VLDLR: variants seen among roughly 807,000 people sequenced by gnomAD.
VLDLR encodes the protein very low-density lipoprotein receptor.
A neutral mutation model predicts 112.7 loss-of-function variants in VLDLR; 81 were observed. The ratio of observed to expected loss-of-function variants is 0.72; its 90% CI spans 0.60 to 0.86. The LOEUF is 0.86. Ranked by LOEUF, VLDLR falls within the 40% of genes least tolerant of loss-of-function variation. VLDLR has a pLI of 0.00. For missense variants in VLDLR, 1,237 were observed against 1,099.4 expected, an observed-to-expected ratio of 1.13 and a Z score of -1.77; for synonymous variants, 436 against 384.8, an observed-to-expected ratio of 1.13 and a Z score of -1.56.
intron 1 of VLDLR, among the ~76,000 whole-genome samples, chr9:2,631,213 G>C (rs1034705851): frequency 6.6e-6 from 1 of 152,194 alleles, no homozygotes; most frequent in African/African-American, 2.4e-5. Flanking sequence ...TACACTGCTG[G>C]TGAGAATGTA....
intron 7 of VLDLR, 57 bp from the exon 8 acceptor site, chr9:2,644,677 T>C: frequency 6.2e-7 from 1 of 1,612,288 alleles, no homozygotes; most frequent in Non-Finnish European, 8.5e-7. Flanking sequence ...GGGTTTTAAA[T>C]GTGAAAGATA....
At chr9:2,649,153 GC>G (rs1818199147) in intron 14 of VLDLR, among the ~76,000 whole-genome samples, 10 of 152,148 alleles carry the variant, frequency 6.6e-5, no homozygotes, top group African/African-American at 2.2e-4. Flanking sequence ...CTGTTAGTTT[GC>G]TAGGATTTTT....
rs1320585824 is a variant in VLDLR, at chr9:2,645,093, TTGGAC to T, written c.1312+15_1312+19del. ...TGTGCAAGGCAGTAGGTAAATGAAC[TTGGAC>T]TGGTATGGCTGTTGTACCTTTATGA... is the stretch of plus-strand genomic sequence containing the variant. On this transcript the variant is annotated intron_variant, in intron 9 of 18. Transcript: ENST00000382100. 1.2e-6 allele frequency: 2 copies of T among 1,614,110 alleles called. No homozygotes were observed. Among genetic ancestry groups the T allele is most frequent in the East Asian group, 4.5e-5 (2 of 44,886 alleles).
chr9:2,657,742 A>C lies in VLDLR; in HGVS notation c.*3874A>C, dbSNP rs947695030. The C allele has an allele frequency of 2.0e-5, 3 of 152,346 alleles. No individual in the cohort carries two copies. Among genetic ancestry groups the C allele is most frequent in the Middle Eastern group, 3.4e-3 (1 of 296 alleles). The allele number at this position is 152,346 out of a possible 1,614,324, so 9.4% of individuals were successfully genotyped here. A position where few individuals can be genotyped will look rare whatever the true frequency, so the allele number is the denominator to read the frequency against. ...GTGCATTGTCTGCTGTCGTCTGTTA[A>C]GCATCTAACCGGAGTGGGAGGGCAC... On this transcript the variant is annotated 3_prime_UTR_variant, in exon 19 of 19. Transcript: ENST00000382100.
rs766524204 is a variant in VLDLR at position 2,643,417 on chromosome 9, C to T, written c.706C>T (p.His236Tyr). ...LEQCGRQPVIHTKCPASEIQC... is the reference protein window; with the variant it reads ...LEQCGRQPVIYTKCPASEIQC... ...GCAGTGTGGCCGTCAGCCAGTCATA[C>T]ACACCAAGTGTCCAGCCAGCGAAAT... The change falls in exon 5 of 19, where the codon CAC becomes TAC. Residue 236 changes from histidine to tyrosine, a missense_variant. His to Tyr is a moderately conservative substitution (Grantham distance 83). Transcript: ENST00000382100. The T allele has an allele frequency of 5.0e-6, 8 of 1,614,174 alleles. No homozygotes were observed. The highest frequency in any genetic ancestry group is 6.8e-6 in the Non-Finnish European group (8 of 1,180,024).
chr9:2,628,498 G>T (rs1817197124), intron 1 of VLDLR, among the ~76,000 whole-genome samples: 1 of 152,158 alleles, frequency 6.6e-6, no homozygotes. Context: ...AAATTAGTAG[G>T]GAACTTAATC....
chr9:2,633,693 C>T (rs1817470162), intron 1 of VLDLR, among the ~76,000 whole-genome samples: 1 of 152,022 alleles, frequency 6.6e-6, no homozygotes, highest in African/African-American at 2.4e-5. Context: ...ATATTTATAC[C>T]TATGTTCTCA....
intron 1 of VLDLR, among the ~76,000 whole-genome samples, chr9:2,627,023 C>A (rs1361534477): frequency 6.6e-6 from 1 of 151,978 alleles, no homozygotes; most frequent in Non-Finnish European, 1.5e-5. Context: ...TACTGAGTAC[C>A]TACCATATGG....
In VLDLR at chr9:2,643,757, GT is replaced by G. The variant is rs761373572; in HGVS notation, c.943+10del. 228 of 1,614,108 alleles carry G rather than the reference GT, an allele frequency of 1.4e-4. 1 individual carries two copies. Among genetic ancestry groups the G allele is most frequent in the Non-Finnish European group, 3.1e-5 (37 of 1,180,056 alleles). ...GAAGTCAACTGCAAAAATGGTAAGG[GT>G]TTCTTCTTGTTGGTTAAGCAATGGA... is the stretch of plus-strand genomic sequence containing the variant. On this transcript the variant is annotated splice_region_variant and intron_variant, in intron 6 of 18. Coordinates refer to ENST00000382100, the MANE Select transcript of VLDLR (RefSeq NM_003383.5).
chr9:2,644,886 GT>G (rs752731199), intron 8 of VLDLR, 33 bp downstream of exon 8: 17 of 1,614,004 alleles, frequency 1.1e-5, no homozygotes, highest in Non-Finnish European at 1.4e-5. Flanking sequence ...GACCCTGCAG[GT>G]GATGGGAAAG....
At chr9:2,653,684 A>T (rs73640156) in intron 18 of VLDLR, 149 bp from the exon 19 acceptor site, 1 of 812,154 alleles carries the variant, frequency 1.2e-6, no homozygotes, top group South Asian at 1.4e-5. Context: ...GAATGATACA[A>T]CTCAGTATTC....
In VLDLR at chr9:2,643,818, T is replaced by G; in HGVS notation, c.944-19T>G. The G allele has an allele frequency of 6.2e-7, 1 of 1,614,212 alleles. No individual in the cohort carries two copies. Among genetic ancestry groups the G allele is most frequent in the East Asian group, 2.2e-5 (1 of 44,892 alleles). ...CCAGACCCACTCATGGAATCTCTCT[T>G]CTTTGTTTCTCTTTGTAGTCAATCA... is the stretch of plus-strand genomic sequence containing the variant. On this transcript the variant is annotated intron_variant, in intron 6 of 18. Coordinates refer to ENST00000382100, the MANE Select transcript of VLDLR (RefSeq NM_003383.5).
In VLDLR at chr9:2,622,228, C is replaced by G; in HGVS notation, c.39C>G (p.Leu13=). 6.6e-7 allele frequency: 1 copy of G among 1,505,890 alleles called. No individual in the cohort carries two copies. Among genetic ancestry groups the G allele is most frequent in the Non-Finnish European group, 8.8e-7 (1 of 1,134,198 alleles). 93.3% of individuals were successfully genotyped at this position (1,505,890 alleles called of 1,614,324 possible). A position where few individuals can be genotyped will look rare whatever the true frequency, so the allele number is the denominator to read the frequency against. Residue 13 remains leucine (L), a synonymous_variant, in exon 1 of 19, where the codon CTC becomes CTG. Transcript: ENST00000382100. The part of the protein sequence containing the change: ...TSALWALWLL[L]ALCWAPRESG... ...CGCTCTGGGCGCTCTGGCTGCTGCT[C>G]GCGCTGTGCTGGGCGCCCCGGGAGA...
At position 2,643,164 on chromosome 9, in the gene VLDLR, T is replaced by C; in HGVS notation, c.453T>C (p.Asn151=). ...GGGCATCCTCTCTCTTAATAGGCAATATAACATGTAGTCCCGACGAGTTCA... is the reference window on the plus strand; with the variant it reads ...GGGCATCCTCTCTCTTAATAGGCAACATAACATGTAGTCCCGACGAGTTCA... ...DSGEDEENCG[N]ITCSPDEFTC... is the part of the protein sequence containing the mutation. Residue 151 remains asparagine, a synonymous_variant, in exon 5 of 19, where the codon AAT becomes AAC. Transcript: ENST00000382100. 6.2e-7 allele frequency: 1 copy of C among 1,610,734 alleles called. No homozygotes were observed. The highest frequency in any genetic ancestry group is 8.5e-7 in the Non-Finnish European group (1 of 1,180,024).
At chr9:2,649,743 T>C (rs1563765582) in intron 14 of VLDLR, among the ~76,000 whole-genome samples, 2 of 152,210 alleles carry the variant, frequency 1.3e-5, no homozygotes, top group African/African-American at 4.8e-5. Context: ...ATTACCTCTG[T>C]AAATATCCTA....
chr9:2,637,915 C>T (rs1000353280), intron 2 of VLDLR, among the ~76,000 whole-genome samples: 2 of 152,088 alleles, frequency 1.3e-5, no homozygotes, highest in African/African-American at 4.8e-5. Context: ...TGCACTCCAG[C>T]CTGGGTGACA....
At position 2,657,563 on chromosome 9, in the gene VLDLR, T is replaced by C. The variant is rs531746926; in HGVS notation, c.*3695T>C. 6.6e-6 allele frequency: 1 copy of C among 152,160 alleles called. No homozygotes were observed. The highest frequency in any genetic ancestry group is 6.6e-5 in the Admixed American group (1 of 15,254). 9.4% of individuals were successfully genotyped at this position (152,160 alleles called of 1,614,324 possible). ...TGAGGCGGTGCCTAAAAACCACATA[T>C]ATATAATCCCCTGGGTATTACATAT... On this transcript the variant is annotated 3_prime_UTR_variant, in exon 19 of 19. Coordinates refer to ENST00000382100, the MANE Select transcript of VLDLR (RefSeq NM_003383.5).
chr9:2,653,916 C>A lies in VLDLR; in HGVS notation c.*48C>A. On this transcript the variant is annotated 3_prime_UTR_variant, in exon 19 of 19. Coordinates refer to ENST00000382100, the MANE Select transcript of VLDLR (RefSeq NM_003383.5). ...TTGAGGTCTAAACAAATAATACCCCCGTCGGAATGGTAACCGAGCCAGCAG... is the reference window on the plus strand; with the variant it reads ...TTGAGGTCTAAACAAATAATACCCCAGTCGGAATGGTAACCGAGCCAGCAG... The A allele has an allele frequency of 6.2e-7, 1 of 1,602,838 alleles. No individual in the cohort carries two copies. The highest frequency in any genetic ancestry group is 8.5e-7 in the Non-Finnish European group (1 of 1,169,898).
At position 2,654,215 on chromosome 9, in the gene VLDLR, C is replaced by A. The variant is rs747325781; in HGVS notation, c.*347C>A. 28 of 260,520 alleles carry A rather than the reference C, an allele frequency of 1.1e-4. No individual in the cohort carries two copies. Among genetic ancestry groups the A allele is most frequent in the Non-Finnish European group, 1.6e-4 (22 of 133,630 alleles). The allele number at this position is 260,520 out of a possible 1,614,324, so 16.1% of individuals were successfully genotyped here. ...ACCACCTGTACATACATTGTATAGGCCATCTGTAAATATCCCAGAGAACAA... is the reference window on the plus strand; with the variant it reads ...ACCACCTGTACATACATTGTATAGGACATCTGTAAATATCCCAGAGAACAA... On this transcript the variant is annotated 3_prime_UTR_variant, in exon 19 of 19. Transcript: ENST00000382100.
Sources: gnomAD v4.1 joint callset for allele counts (sites outside exome capture counted in the v4.1 genomes callset) on GRCh38, gnomAD v4.1.1 for gene constraint, MANE v1.5 for transcripts, NCBI Gene and HGNC (gene_info 2026-07-23, HGNC 2026-07-21) for gene names.